The following GMEB2 variants were observed in gnomAD, a reference collection of about 807,000 sequenced individuals.
GMEB2 encodes glucocorticoid modulatory element binding protein 2.
A neutral mutation model predicts 45.7 loss-of-function variants in GMEB2; 7 were observed. That is an observed-to-expected ratio of 0.15 (90% CI 0.09 to 0.29). GMEB2 has a LOEUF of 0.29. Ranked by LOEUF, GMEB2 falls within the 10% of genes least tolerant of loss-of-function variation. The probability of loss-of-function intolerance (pLI) is 1.00; values close to 1 mark genes in which losing one functional copy is unlikely to be tolerated. For synonymous variants in GMEB2, 322 were observed against 323.6 expected, an observed-to-expected ratio of 1.00 and a Z score of 0.05; for missense variants, 582 against 739.2, an observed-to-expected ratio of 0.79 and a Z score of 2.47.
intron 1 of GMEB2, among the ~76,000 whole-genome samples, chr20:63,625,747 A>C (rs1485744375): frequency 6.6e-6 from 1 of 151,740 alleles, no homozygotes; most frequent in Admixed American, 6.6e-5. Context: ...ACAAGTGCAC[A>C]CCACCACGCC....
In GMEB2 at chr20:63,588,675, G is replaced by C; in HGVS notation, c.*1414C>G. 1 of 398,232 alleles carries C rather than the reference G, an allele frequency of 2.5e-6. No homozygotes were observed. 24.7% of individuals were successfully genotyped at this position (398,232 alleles called of 1,614,324 possible). On this transcript the variant is annotated 3_prime_UTR_variant, in exon 10 of 10. Transcript: ENST00000370077. ...CAGCCAGCCAGTTCCCTTCGGAGCA[G>C]TGAAGTGGGACACAGGACCCTCGCA...
intron 4 of GMEB2, among the ~76,000 whole-genome samples, chr20:63,599,209 G>A (rs867244066): frequency 6.7e-5 from 10 of 150,344 alleles, no homozygotes; most frequent in African/African-American, 2.5e-4. Flanking sequence ...TAACGTGGCC[G>A]CTCCTGACCC....
intron 4 of GMEB2, 83 bp from the exon 5 acceptor site, chr20:63,597,943 G>C (rs1320912188): frequency 1.2e-6 from 1 of 808,948 alleles, no homozygotes; most frequent in Non-Finnish European, 2.2e-6. Context: ...CCCTGAGTCA[G>C]GCGCGCAAGG....
At position 63,589,896 on chromosome 20, in the gene GMEB2, A is replaced by G. The variant is rs311497; in HGVS notation, c.*193T>C. The G allele has an allele frequency of 0.54, 231,523 of 431,982 alleles. 65,439 individuals carry two copies. The highest frequency in any genetic ancestry group is 0.63 in the Middle Eastern group (1,049 of 1,676). 26.8% of individuals were successfully genotyped at this position (431,982 alleles called of 1,614,324 possible). On this transcript the variant is annotated 3_prime_UTR_variant, in exon 10 of 10. Coordinates refer to ENST00000370077, the MANE Select transcript of GMEB2 (RefSeq NM_012384.5). The stretch of plus-strand genomic sequence containing the variant: ...GAGGAAACGTGGGACCTGAAGACCG[A>G]TTTTCCAGGTTGCTCTCGCTGTTCT...
intron 1 of GMEB2, among the ~76,000 whole-genome samples, chr20:63,626,220 C>T (rs905865066): frequency 6.6e-6 from 1 of 152,164 alleles, no homozygotes; most frequent in Non-Finnish European, 1.5e-5. Flanking sequence ...GAGTGGGTCC[C>T]AGTGGGGTGA....
At chr20:63,625,610 T>C (rs1031817108) in intron 1 of GMEB2, among the ~76,000 whole-genome samples, 1 of 151,912 alleles carries the variant, frequency 6.6e-6, no homozygotes, top group Non-Finnish European at 1.5e-5. Flanking sequence ...TTACTTTTTT[T>C]TTTTTGAGAC....
Position 63,592,260 on chromosome 20 carries a change from C to T in GMEB2, c.830-116G>A. ...GAGTCACGTGGACGCTCGGTGAGAG[C>T]CTGGGCTCTTCCTAGAGAGTGAGAA... On this transcript the variant is annotated intron_variant, in intron 8 of 9. Transcript: ENST00000370077. This position sits in a 1 kb window ranked among gnomAD's most constrained non-coding sequence, Gnocchi z 8.2. 1.0e-6 allele frequency: 1 copy of T among 988,802 alleles called. No individual in the cohort carries two copies. Among genetic ancestry groups the T allele is most frequent in the South Asian group, 1.6e-5 (1 of 63,710 alleles). The allele number at this position is 988,802 out of a possible 1,614,324, so 61.3% of individuals were successfully genotyped here.
intron 2 of GMEB2, among the ~76,000 whole-genome samples, chr20:63,612,555 G>T (rs961692941): frequency 1.3e-5 from 2 of 152,240 alleles, no homozygotes; most frequent in African/African-American, 4.8e-5. Flanking sequence ...TCAACGTTTT[G>T]TAACTTCCTA....
Position 63,625,975 on chromosome 20 carries a change from T to C in GMEB2, c.-58+981A>G, listed in dbSNP as rs370320475. ...ATTGAAACTGTTGTATTTGAAGTGT[T>C]AGCAAAGAAAGAGAATTCTGGTTCA... is the stretch of plus-strand genomic sequence containing the variant. On this transcript the variant is annotated intron_variant, in intron 1 of 9. Transcript: ENST00000370077. Among the ~76,000 whole-genome samples the C allele has an allele frequency of 5.3e-4, 80 of 152,354 alleles. 2 individuals are homozygous for C. In the South Asian group the frequency reaches 0.017, roughly 32 times the overall value.
chr20:63,625,261 C>A (rs192905457), intron 1 of GMEB2, among the ~76,000 whole-genome samples: 1 of 149,708 alleles, frequency 6.7e-6, no homozygotes, highest in Non-Finnish European at 1.5e-5. Flanking sequence ...CTGCAACCTC[C>A]GCCTCCCGGG....
chr20:63,622,006 G>A (rs906729972), intron 1 of GMEB2, among the ~76,000 whole-genome samples: 3 of 152,056 alleles, frequency 2.0e-5, no homozygotes, highest in Middle Eastern at 3.4e-3. Flanking sequence ...GTGCACGCCT[G>A]TAGTTGCAGC....
chr20:63,589,704 G>GTCCAGGGTTCGCGGC lies in GMEB2; in HGVS notation c.*384_*385insGCCGCGAACCCTGGA. 1 of 194,370 alleles carries GTCCAGGGTTCGCGGC rather than the reference G, an allele frequency of 5.1e-6. No homozygotes were observed. Among genetic ancestry groups the GTCCAGGGTTCGCGGC allele is most frequent in the Admixed American group, 6.1e-5 (1 of 16,408 alleles). 12.0% of individuals were successfully genotyped at this position (194,370 alleles called of 1,614,324 possible). ...GGGGCCTCGTGACCTGCTGCACCGCGTCCAGCACCTGCAGGGTCGCGCTCG... is the reference window on the plus strand; with the variant it reads ...GGGGCCTCGTGACCTGCTGCACCGCGTCCAGGGTTCGCGGCTCCAGCACCTGCAGGGTCGCGCTCG... On this transcript the variant is annotated 3_prime_UTR_variant, in exon 10 of 10. Transcript: ENST00000370077.
chr20:63,611,995 G>T (rs2089574784), intron 2 of GMEB2, among the ~76,000 whole-genome samples: 1 of 152,108 alleles, frequency 6.6e-6, no homozygotes, highest in Non-Finnish European at 1.5e-5. Flanking sequence ...GGTCACGGCT[G>T]CCATGAGCCG....
In GMEB2 at chr20:63,602,957, G is replaced by A; in HGVS notation, c.357+8C>T. ...CTCTCCTGGGCCCTGAATGCAGCCT[G>A]TGCTCACCTGAACACATTTCACATT... is the stretch of plus-strand genomic sequence containing the variant. On this transcript the variant is annotated splice_region_variant and intron_variant, in intron 4 of 9. Transcript: ENST00000370077. The A allele has an allele frequency of 6.2e-7, 1 of 1,613,698 alleles. No homozygotes were observed. The highest frequency in any genetic ancestry group is 8.5e-7 in the Non-Finnish European group (1 of 1,179,660).
At position 63,605,212 on chromosome 20, in the gene GMEB2, C is replaced by T. The variant is rs143615058; in HGVS notation, c.132-372G>A. ...CAAGATCACACCACTGCACTCCAGC[C>T]TGGGTGAGAGAGCGAGACTCTGTCT... On this transcript the variant is annotated intron_variant, in intron 2 of 9. Coordinates refer to ENST00000370077, the MANE Select transcript of GMEB2 (RefSeq NM_012384.5). Among the ~76,000 whole-genome samples the T allele has an allele frequency of 7.0e-3, 1,057 of 152,038 alleles. 4 individuals are homozygous for T. The highest frequency in any genetic ancestry group is 9.5e-3 in the Non-Finnish European group (648 of 67,986).
At chr20:63,596,539 G>A (rs1202113752) in intron 5 of GMEB2, among the ~76,000 whole-genome samples, 1 of 152,224 alleles carries the variant, frequency 6.6e-6, no homozygotes, top group African/African-American at 2.4e-5. Context: ...TGTGCCACCA[G>A]CCACGTTCCA....
intron 1 of GMEB2, among the ~76,000 whole-genome samples, chr20:63,620,808 T>C (rs568059991): frequency 1.1e-4 from 17 of 152,056 alleles, no homozygotes; most frequent in African/African-American, 3.6e-4. Context: ...CTAGAGTCCA[T>C]AGCACAGTAG....
In GMEB2 at chr20:63,597,778, C is replaced by T; in HGVS notation, c.440G>A (p.Arg147His). ...STLKDWKRAI[R>H]MNGIMLRKIM... ...CCACCTGAGCATGATGCCGTTCATG[C>T]GGATGGCTCTCTTCCAGTCCTTCAG... Residue 147 changes from arginine to histidine, a missense_variant, in exon 5 of 10, where the codon CGC becomes CAC. This residue lies in a region of GMEB2 where 462 missense variants were observed against 586.7 expected (regional missense o/e 0.79). Coordinates refer to ENST00000370077, the MANE Select transcript of GMEB2 (RefSeq NM_012384.5). 6.2e-7 allele frequency: 1 copy of T among 1,603,224 alleles called. No individual in the cohort carries two copies. The highest frequency in any genetic ancestry group is 8.5e-7 in the Non-Finnish European group (1 of 1,170,136).
rs951331038 is a variant in GMEB2, at chr20:63,619,920, G to A, written c.-57-466C>T. The A allele has an allele frequency of 6.6e-6, 1 of 152,456 alleles. No individual in the cohort carries two copies. Among genetic ancestry groups the A allele is most frequent in the African/African-American group, 2.4e-5 (1 of 41,478 alleles). 9.4% of individuals were successfully genotyped at this position (152,456 alleles called of 1,614,324 possible). ...GGGAAACCCATTCAAGACAGAAAGA[G>A]AGGAGGGAAACGCCCTGGGTTTTTT... On this transcript the variant is annotated intron_variant, in intron 1 of 9. Coordinates refer to ENST00000370077, the MANE Select transcript of GMEB2 (RefSeq NM_012384.5). This position sits in a 1 kb window ranked among gnomAD's most constrained non-coding sequence, Gnocchi z 4.6.
Sources: allele counts gnomAD v4.1 joint callset (sites outside exome capture counted in the v4.1 genomes callset), GRCh38; gene constraint gnomAD v4.1.1; regional missense constraint gnomAD v4.1.1; non-coding constraint Gnocchi (gnomAD v3.1); transcripts MANE v1.5; gene names NCBI Gene and HGNC (gene_info 2026-07-23, HGNC 2026-07-21).